Variants in ATOSA observed in about 807,000 individuals in gnomAD.
ATOSA encodes the protein atos homolog A.
At chr15:52,582,428 C>G in the ATOSA span, 2 of 757,258 alleles carry the variant, frequency 2.6e-6, no homozygotes, top group Non-Finnish European at 4.0e-6. Context: ...AACACTAACT[C>G]TTTAACATGA....
the ATOSA span, among the ~76,000 whole-genome samples, chr15:52,636,149 TATAA>T: frequency 9.1e-4 from 133 of 146,362 alleles, no homozygotes; most frequent in African/African-American, 3.0e-3. Context: ...ATAATAAATG[TATAA>T]ATAATAAAAA....
the ATOSA span, among the ~76,000 whole-genome samples, chr15:52,645,140 G>A: frequency 9.9e-5 from 15 of 152,254 alleles, no homozygotes; most frequent in South Asian, 2.9e-3. Context: ...CCTAATTCAT[G>A]GTAATGTGAT....
chr15:52,678,075 C>G, the ATOSA span: 2 of 1,609,820 alleles, frequency 1.2e-6, no homozygotes, highest in Non-Finnish European at 1.7e-6. Context: ...TGGGTTCTTT[C>G]AACAGGCTCG....
chr15:52,646,577 C>T, the ATOSA span, among the ~76,000 whole-genome samples: 1 of 152,096 alleles, frequency 6.6e-6, no homozygotes, highest in East Asian at 1.9e-4. Flanking sequence ...AGGGCAAACC[C>T]ATCTACAAGG....
At chr15:52,707,233 A>G in the ATOSA span, among the ~76,000 whole-genome samples, 1 of 152,202 alleles carries the variant, frequency 6.6e-6, no homozygotes, top group Non-Finnish European at 1.5e-5. Flanking sequence ...GGAGCAGGGT[A>G]TTTACACGGT....
At chr15:52,706,561 A>G in the ATOSA span, among the ~76,000 whole-genome samples, 1 of 152,214 alleles carries the variant, frequency 6.6e-6, no homozygotes, top group Non-Finnish European at 1.5e-5. Context: ...AACAAAAAGA[A>G]AATGTTCCAA....
the ATOSA span, chr15:52,611,204 T>C: frequency 3.7e-6 from 6 of 1,613,678 alleles, no homozygotes; most frequent in East Asian, 6.7e-5. Context: ...AAAACACAAA[T>C]GAGCGGACAG....
the ATOSA span, among the ~76,000 whole-genome samples, chr15:52,669,910 AG>A: frequency 6.6e-6 from 1 of 152,178 alleles, no homozygotes; most frequent in Non-Finnish European, 1.5e-5. Flanking sequence ...TCTGAAACAA[AG>A]AAAAAAGCAG....
the ATOSA span, among the ~76,000 whole-genome samples, chr15:52,704,618 G>T: frequency 6.6e-6 from 1 of 151,946 alleles, no homozygotes; most frequent in African/African-American, 2.4e-5. Context: ...CTGACAAAGG[G>T]CTAATATCCA....
chr15:52,668,359 T>C, the ATOSA span, among the ~76,000 whole-genome samples: 1 of 152,138 alleles, frequency 6.6e-6, no homozygotes, highest in Admixed American at 6.5e-5. Context: ...AAAAAGCTGT[T>C]ATCATAGAAG....
the ATOSA span, among the ~76,000 whole-genome samples, chr15:52,704,458 C>T: frequency 8.1e-4 from 123 of 152,048 alleles, no homozygotes; most frequent in Non-Finnish European, 1.3e-3. Context: ...AAAGGCTTAA[C>T]GACTAAAACA....
the ATOSA span, among the ~76,000 whole-genome samples, chr15:52,659,928 T>C: frequency 7.2e-5 from 11 of 152,072 alleles, no homozygotes; most frequent in South Asian, 2.1e-4. Flanking sequence ...AAGGAGACCA[T>C]TGTGAAATAG....
At chr15:52,631,526 G>C in the ATOSA span, among the ~76,000 whole-genome samples, 4 of 152,198 alleles carry the variant, frequency 2.6e-5, no homozygotes, top group South Asian at 8.3e-4. Flanking sequence ...AAAGGATACA[G>C]AGCTGATAAA....
At chr15:52,642,397 A>G in the ATOSA span, among the ~76,000 whole-genome samples, 1 of 152,242 alleles carries the variant, frequency 6.6e-6, no homozygotes, top group Non-Finnish European at 1.5e-5. Context: ...GCAAACTCAC[A>G]TGTAAAATGA....
the ATOSA span, among the ~76,000 whole-genome samples, chr15:52,668,842 C>T: frequency 4.1e-3 from 594 of 144,118 alleles, 2 homozygotes; most frequent in African/African-American, 0.014. Flanking sequence ...AAAATGGTCA[C>T]AATTAATCTA....
At chr15:52,696,519 G>A in the ATOSA span, among the ~76,000 whole-genome samples, 1 of 152,110 alleles carries the variant, frequency 6.6e-6, no homozygotes, top group Non-Finnish European at 1.5e-5. Flanking sequence ...CACTGGGTCT[G>A]TGACCTAGTG....
At chr15:52,676,005 G>C in the ATOSA span, among the ~76,000 whole-genome samples, 2 of 151,854 alleles carry the variant, frequency 1.3e-5, no homozygotes, top group Admixed American at 6.6e-5. Context: ...AAAATTAAAA[G>C]GTGACAAGGA....
At chr15:52,640,622 T>A in the ATOSA span, among the ~76,000 whole-genome samples, 3 of 91,738 alleles carry the variant, frequency 3.3e-5, no homozygotes, top group South Asian at 1.4e-3. Flanking sequence ...TATCAGAGAT[T>A]TAAAATGTAG....
the ATOSA span, among the ~76,000 whole-genome samples, chr15:52,635,704 TAAATC>T: frequency 6.6e-6 from 1 of 151,172 alleles, no homozygotes; most frequent in African/African-American, 2.4e-5. Context: ...TCAAAAAAAA[TAAATC>T]AAAATCGGCC....
Sources: gnomAD v4.1 joint callset for allele counts (sites outside exome capture counted in the v4.1 genomes callset) on GRCh38, gnomAD v4.1.1 for gene constraint, MANE v1.5 for transcripts, NCBI Gene and HGNC (gene_info 2026-07-23, HGNC 2026-07-21) for gene names.